KCNK13: variants seen among roughly 807,000 people sequenced by gnomAD.
KCNK13 encodes potassium two pore domain channel subfamily K member 13.
In KCNK13, 12 loss-of-function variants were observed where a neutral mutation model predicts 23.4. The observed-to-expected ratio is 0.51, with a 90% CI of 0.33 to 0.83. The LOEUF (loss-of-function observed/expected upper bound fraction) is 0.83. Among genes scored for constraint, KCNK13 ranks in the 40% least tolerant of loss-of-function variants. The pLI is 0.02. For synonymous variants in KCNK13, 231 were observed against 229.5 expected, an observed-to-expected ratio of 1.01 and a Z score of -0.06; for missense variants, 463 against 556.3, an observed-to-expected ratio of 0.83 and a Z score of 1.69.
At chr14:90,106,645 GATAAA>G (rs969246563) in intron 1 of KCNK13, among the ~76,000 whole-genome samples, 14 of 152,048 alleles carry the variant, frequency 9.2e-5, no homozygotes, top group African/African-American at 3.1e-4. Context: ...AAATTTTATA[GATAAA>G]ATAAACTATA....
At chr14:90,121,788 C>T (rs954994657) in intron 1 of KCNK13, among the ~76,000 whole-genome samples, 16 of 152,146 alleles carry the variant, frequency 1.1e-4, no homozygotes, top group African/African-American at 3.9e-4. Flanking sequence ...GGCACAATCT[C>T]AGCTCACTGC....
At chr14:90,110,447 T>C (rs925107631) in intron 1 of KCNK13, among the ~76,000 whole-genome samples, 1 of 149,092 alleles carries the variant, frequency 6.7e-6, no homozygotes. Flanking sequence ...GCCACAGCAC[T>C]CCAGCCTGGG....
At chr14:90,113,326 G>T (rs145121918) in intron 1 of KCNK13, among the ~76,000 whole-genome samples, 302 of 152,120 alleles carry the variant, frequency 2.0e-3, no homozygotes, top group African/African-American at 6.7e-3. Flanking sequence ...AGGAAAAGAC[G>T]GTCTCAATAA....
At chr14:90,167,433 T>C (rs1049811381) in intron 1 of KCNK13, among the ~76,000 whole-genome samples, 12 of 152,224 alleles carry the variant, frequency 7.9e-5, no homozygotes, top group African/African-American at 1.4e-4. Context: ...TATTAAATCA[T>C]GGAGCAACGC....
chr14:90,075,884 A>G (rs1383069474), intron 1 of KCNK13, among the ~76,000 whole-genome samples: 1 of 152,182 alleles, frequency 6.6e-6, no homozygotes, highest in East Asian at 1.9e-4. Flanking sequence ...ACCCCATTGG[A>G]TCTCCTCAAG....
chr14:90,159,461 G>A (rs1890228914), intron 1 of KCNK13, among the ~76,000 whole-genome samples: 1 of 152,212 alleles, frequency 6.6e-6, no homozygotes, highest in Non-Finnish European at 1.5e-5. Context: ...GTCTGTTCTT[G>A]ATAACTGGTT....
intron 1 of KCNK13, among the ~76,000 whole-genome samples, chr14:90,151,325 A>C (rs1051293713): frequency 6.6e-6 from 1 of 152,228 alleles, no homozygotes; most frequent in African/African-American, 2.4e-5. Flanking sequence ...AGGAATAGCC[A>C]TCCTAACAGT....
At chr14:90,088,033 C>T (rs1189614524) in intron 1 of KCNK13, among the ~76,000 whole-genome samples, 3 of 152,068 alleles carry the variant, frequency 2.0e-5, no homozygotes, top group African/African-American at 4.8e-5. Flanking sequence ...GACAGAGTCT[C>T]GCTCTATCAC....
At chr14:90,124,038 A>C (rs1889768863) in intron 1 of KCNK13, among the ~76,000 whole-genome samples, 2 of 152,200 alleles carry the variant, frequency 1.3e-5, no homozygotes, top group Non-Finnish European at 2.9e-5. Context: ...ACCTTGTTTC[A>C]CTGAAATGCC....
chr14:90,140,382 C>A (rs1051664729), intron 1 of KCNK13, among the ~76,000 whole-genome samples: 2 of 152,138 alleles, frequency 1.3e-5, no homozygotes, highest in African/African-American at 2.4e-5. Flanking sequence ...CATTGAGAAG[C>A]AATGAACATG....
chr14:90,142,851 T>C (rs1890025477), intron 1 of KCNK13, among the ~76,000 whole-genome samples: 1 of 152,198 alleles, frequency 6.6e-6, no homozygotes, highest in Admixed American at 6.5e-5. Context: ...TGGGCTTACA[T>C]AGCACCTTAA....
chr14:90,166,340 C>A (rs187122118), intron 1 of KCNK13, among the ~76,000 whole-genome samples: 2 of 152,324 alleles, frequency 1.3e-5, no homozygotes, highest in Non-Finnish European at 2.9e-5. Context: ...CTTTGGCTTA[C>A]CTGGCAAATT....
At chr14:90,063,878 G>T (rs1458048993) in intron 1 of KCNK13, among the ~76,000 whole-genome samples, 1 of 152,170 alleles carries the variant, frequency 6.6e-6, no homozygotes, top group Non-Finnish European at 1.5e-5. Context: ...GTATGATTAG[G>T]GACACACCGG....
chr14:90,122,018 C>A (rs907150120), intron 1 of KCNK13, among the ~76,000 whole-genome samples: 2 of 152,154 alleles, frequency 1.3e-5, no homozygotes, highest in African/African-American at 4.8e-5. Context: ...CCATGCCCAG[C>A]AGATGCATTT....
rs10129346 is a variant in KCNK13 at position 90,172,289 on chromosome 14, C to G, written c.335-11822C>G. On this transcript the variant is annotated intron_variant, in intron 1 of 1. Coordinates refer to ENST00000282146, the MANE Select transcript of KCNK13 (RefSeq NM_022054.4). ...CCGAGATAGTACCTCTGCACTCTAT[C>G]CCGGGTGATGGAGCCAGAGTCTATA... Among the ~76,000 whole-genome samples, 1,392 of 149,692 alleles carry G rather than the reference C, an allele frequency of 9.3e-3. 25 individuals carry two copies. Among genetic ancestry groups the G allele is most frequent in the African/African-American group, 0.033 (1,317 of 40,170 alleles).
At chr14:90,108,101 TTTC>T in intron 1 of KCNK13, 1 of 447,488 alleles carries the variant, frequency 2.2e-6, no homozygotes, top group Non-Finnish European at 4.2e-6. Context: ...AAACAGCTTT[TTTC>T]TTCTTTTGCC....
chr14:90,129,009 T>TGC (rs1889836575), intron 1 of KCNK13, among the ~76,000 whole-genome samples: 1 of 152,142 alleles, frequency 6.6e-6, no homozygotes, highest in Non-Finnish European at 1.5e-5. Flanking sequence ...ATTCTTTTGT[T>TGC]TTTTCAAAAT....
intron 1 of KCNK13, among the ~76,000 whole-genome samples, chr14:90,161,583 T>A (rs1195905335): frequency 6.6e-6 from 1 of 152,232 alleles, no homozygotes; most frequent in Non-Finnish European, 1.5e-5. Context: ...GCAGAATTCA[T>A]ATGAAGTAAT....
chr14:90,153,420 G>C (rs1351887366), intron 1 of KCNK13, among the ~76,000 whole-genome samples: 1 of 152,176 alleles, frequency 6.6e-6, no homozygotes, highest in South Asian at 2.1e-4. Flanking sequence ...ACAGTTTCCT[G>C]AATAAAATGA....
Sources: gnomAD v4.1 joint callset for allele counts (sites outside exome capture counted in the v4.1 genomes callset) on GRCh38, gnomAD v4.1.1 for gene constraint, MANE v1.5 for transcripts, NCBI Gene and HGNC (gene_info 2026-07-23, HGNC 2026-07-21) for gene names.